Variants in KIAA1328 observed in about 807,000 individuals in gnomAD.
KIAA1328 encodes the protein KIAA1328.
In KIAA1328, 52 loss-of-function variants were observed where a neutral mutation model predicts 68.1. That is an observed-to-expected ratio of 0.76 (90% CI 0.61 to 0.96). The LOEUF is 0.96. Ranked by LOEUF, KIAA1328 falls within the 40% of genes least tolerant of loss-of-function variation. KIAA1328 has a pLI of 0.00. For synonymous variants in KIAA1328, 232 were observed against 239.4 expected (o/e 0.97, Z 0.28); for missense variants, 641 against 677.6 (o/e 0.95, Z 0.60).
At position 36,835,137 on chromosome 18, in the gene KIAA1328, G is replaced by T. The variant is rs1221184969; in HGVS notation, c.95-97G>T. The T allele has an allele frequency of 4.4e-6, 4 of 899,762 alleles. No individual in the cohort carries two copies. In the African/African-American group the frequency reaches 5.1e-5, roughly 11 times the overall value. The allele number at this position is 899,762 out of a possible 1,614,324, so 55.7% of individuals were successfully genotyped here. A position where few individuals can be genotyped will look rare whatever the true frequency, so the allele number is the denominator to read the frequency against. On this transcript the variant is annotated intron_variant, in intron 2 of 9. Coordinates refer to ENST00000280020, the MANE Select transcript of KIAA1328 (RefSeq NM_020776.3). ...AAAGTAAGAGAGTTTCCTCCATCAG[G>T]TCCCTTAAAGTAGAGGATTCCAAGG...
intron 7 of KIAA1328, among the ~76,000 whole-genome samples, chr18:37,142,690 T>C (rs1470798480): frequency 1.3e-5 from 2 of 152,162 alleles, no homozygotes; most frequent in Non-Finnish European, 2.9e-5. Context: ...TGTCCATTCT[T>C]ATATCAATGC....
chr18:37,081,440 A>AC (rs941320955), intron 7 of KIAA1328, among the ~76,000 whole-genome samples: 1 of 151,832 alleles, frequency 6.6e-6, no homozygotes, highest in African/African-American at 2.4e-5. Flanking sequence ...AAGTTGCCCT[A>AC]CTCTTTGGCC....
rs201990077 is a variant in KIAA1328, at chr18:36,958,851, AT to A, written c.449-446del. Among the ~76,000 whole-genome samples the A allele has an allele frequency of 2.8e-3, 416 of 146,394 alleles. 2 individuals are homozygous for A. The highest frequency in any genetic ancestry group is 7.8e-3 in the South Asian group (36 of 4,598). ...TTACATTTCGAAGTCTAATTTGTCT[AT>A]TTTTTTTTTTATTTGGTTACTTGTA... On this transcript the variant is annotated intron_variant, in intron 5 of 9. Coordinates refer to ENST00000280020, the MANE Select transcript of KIAA1328 (RefSeq NM_020776.3).
rs149847447 is a variant in KIAA1328, at chr18:36,876,540, C to G, written c.333-9017C>G. Among the ~76,000 whole-genome samples the G allele has an allele frequency of 2.8e-3, 421 of 151,966 alleles. 1 individual carries two copies. Among genetic ancestry groups the G allele is most frequent in the African/African-American group, 9.7e-3 (404 of 41,488 alleles). On this transcript the variant is annotated intron_variant, in intron 4 of 9. Coordinates refer to ENST00000280020, the MANE Select transcript of KIAA1328 (RefSeq NM_020776.3). ...GTGATATCCCCTTTATCATATTTTA[C>G]TGTGTATATTTCATTCTTCTCTCTT...
chr18:37,069,340 A>T lies in KIAA1328; in HGVS notation c.1232+1795A>T, dbSNP rs201700368. ...AGTGGCATGATCTTAGCCCACTACA[A>T]CCTCCACCTACTGGGTTCAAGGGAT... On this transcript the variant is annotated intron_variant, in intron 7 of 9. Transcript: ENST00000280020. 2.0e-5 allele frequency among the ~76,000 whole-genome samples: 3 copies of T among 150,740 alleles called. No homozygotes were observed. The East Asian group carries it at 5.9e-4, about 30-fold the overall frequency.
chr18:36,975,176 A>ATTTTT (rs751805080), intron 6 of KIAA1328, among the ~76,000 whole-genome samples: 14 of 114,934 alleles, frequency 1.2e-4, no homozygotes, highest in East Asian at 7.5e-4. Context: ...ACAAGCTACA[A>ATTTTT]TTTTTTTTTT....
At chr18:37,024,226 T>G (rs1014937767) in intron 6 of KIAA1328, among the ~76,000 whole-genome samples, 1 of 151,940 alleles carries the variant, frequency 6.6e-6, no homozygotes, top group Non-Finnish European at 1.5e-5. Context: ...ACGAATGAAC[T>G]CTTGGGTCAG....
At chr18:37,036,236 AC>A (rs1278268411) in intron 6 of KIAA1328, among the ~76,000 whole-genome samples, 1 of 152,212 alleles carries the variant, frequency 6.6e-6, no homozygotes, top group Non-Finnish European at 1.5e-5. Context: ...TTGAAAGGTA[AC>A]GTTGTTACAT....
chr18:36,851,136 A>G (rs1222294541), intron 4 of KIAA1328, among the ~76,000 whole-genome samples: 1 of 152,112 alleles, frequency 6.6e-6, no homozygotes, highest in Non-Finnish European at 1.5e-5. Flanking sequence ...GTGTTGAATC[A>G]TCCTTGTATT....
chr18:37,135,649 T>G (rs1203994185), intron 7 of KIAA1328, among the ~76,000 whole-genome samples: 5 of 152,262 alleles, frequency 3.3e-5, no homozygotes, highest in African/African-American at 9.6e-5. Flanking sequence ...CTGTTTACTC[T>G]GTTGATAGTT....
At chr18:37,106,926 A>G (rs1319739616) in intron 7 of KIAA1328, among the ~76,000 whole-genome samples, 1 of 151,982 alleles carries the variant, frequency 6.6e-6, no homozygotes, top group Non-Finnish European at 1.5e-5. Flanking sequence ...TACCCCTTAC[A>G]CTAGTTGGGA....
At chr18:37,106,022 C>A (rs2151887832) in intron 7 of KIAA1328, among the ~76,000 whole-genome samples, 1 of 148,836 alleles carries the variant, frequency 6.7e-6, no homozygotes, top group East Asian at 2.0e-4. Context: ...AGTGACCTAG[C>A]AGTCCCACTC....
At chr18:36,943,603 T>C (rs749377794) in intron 5 of KIAA1328, among the ~76,000 whole-genome samples, 1 of 152,234 alleles carries the variant, frequency 6.6e-6, no homozygotes, top group Non-Finnish European at 1.5e-5. Context: ...AAGTTATTTT[T>C]GAACAATTTT....
At chr18:37,042,407 A>G (rs950600916) in intron 6 of KIAA1328, among the ~76,000 whole-genome samples, 6 of 152,206 alleles carry the variant, frequency 3.9e-5, no homozygotes, top group South Asian at 2.1e-4. Flanking sequence ...CAGCTCTACC[A>G]GCAGCTATTC....
chr18:37,042,862 C>T (rs1291697268), intron 6 of KIAA1328, among the ~76,000 whole-genome samples: 1 of 152,096 alleles, frequency 6.6e-6, no homozygotes, highest in African/African-American at 2.4e-5. Context: ...TTCTGGCTCT[C>T]CCGTTTCATG....
intron 7 of KIAA1328, among the ~76,000 whole-genome samples, chr18:37,091,062 C>T (rs915812135): frequency 9.2e-5 from 14 of 152,158 alleles, no homozygotes; most frequent in African/African-American, 3.1e-4. Context: ...AAATAGGCAA[C>T]TCTCAGAAAG....
At chr18:37,011,259 A>G (rs960107456) in intron 6 of KIAA1328, among the ~76,000 whole-genome samples, 5 of 152,310 alleles carry the variant, frequency 3.3e-5, no homozygotes, top group African/African-American at 1.2e-4. Context: ...CATAGCTATA[A>G]TTGAACTCTT....
intron 6 of KIAA1328, chr18:37,063,683 A>G: frequency 1.0e-6 from 1 of 985,210 alleles, no homozygotes; most frequent in Non-Finnish European, 1.2e-6. Flanking sequence ...TAAAATCATT[A>G]AGCTGTACTA....
intron 6 of KIAA1328, among the ~76,000 whole-genome samples, chr18:37,028,057 G>T (rs994745003): frequency 6.6e-5 from 10 of 152,138 alleles, no homozygotes; most frequent in African/African-American, 2.4e-4. Flanking sequence ...GATATGAACA[G>T]ACACTTCTCA....
Sources: gnomAD v4.1 joint callset for allele counts (sites outside exome capture counted in the v4.1 genomes callset) on GRCh38, gnomAD v4.1.1 for gene constraint, MANE v1.5 for transcripts, NCBI Gene and HGNC (gene_info 2026-07-23, HGNC 2026-07-21) for gene names.